FGF18: variants seen among roughly 807,000 people sequenced by gnomAD.
FGF18 encodes the protein fibroblast growth factor 18.
In FGF18, 5 loss-of-function variants were observed where a neutral mutation model predicts 23.0. That is an observed-to-expected ratio of 0.22 (90% CI 0.11 to 0.46). The LOEUF is 0.46. Ranked by LOEUF, FGF18 falls within the 20% of genes least tolerant of loss-of-function variation. FGF18 has a pLI of 0.99. For missense variants in FGF18, 180 were observed against 291.6 expected (o/e 0.62, Z 2.79); for synonymous variants, 117 against 118.9 (o/e 0.98, Z 0.10).
rs1772218603 is a variant in FGF18, at chr5:171,434,400, T to G, written c.70-1693T>G. Among the ~76,000 whole-genome samples the G allele has an allele frequency of 6.6e-6, 1 of 152,076 alleles. No homozygotes were observed. Among genetic ancestry groups the G allele is most frequent in the Non-Finnish European group, 1.5e-5 (1 of 68,010 alleles). On this transcript the variant is annotated intron_variant, in intron 2 of 4. Coordinates refer to ENST00000274625, the MANE Select transcript of FGF18 (RefSeq NM_003862.3). This position sits in a 1 kb window ranked among gnomAD's most constrained non-coding sequence, Gnocchi z 4.6. The stretch of plus-strand genomic sequence containing the variant: ...GGGACAGAGATCCTGCTGTAGCAAA[T>G]GAAGGAAACACATCCCTGCCCTTGG...
At chr5:171,455,073 C>A (rs890592750) in intron 4 of FGF18, among the ~76,000 whole-genome samples, 1 of 152,170 alleles carries the variant, frequency 6.6e-6, no homozygotes, top group Non-Finnish European at 1.5e-5. Flanking sequence ...AGTCATTGTT[C>A]CCATTAGGTA....
At chr5:171,455,167 C>G (rs956167982) in intron 4 of FGF18, among the ~76,000 whole-genome samples, 43 of 152,306 alleles carry the variant, frequency 2.8e-4, no homozygotes, top group African/African-American at 9.6e-4. Context: ...TGTTTTCTGA[C>G]TCCAAATCTA....
chr5:171,455,991 C>G (rs554751042), intron 4 of FGF18, among the ~76,000 whole-genome samples: 13 of 152,288 alleles, frequency 8.5e-5, no homozygotes, highest in East Asian at 7.7e-4. Context: ...AGTGAAGGCT[C>G]TCTGTCCTAT....
chr5:171,420,546 G>C, intron 2 of FGF18, 103 bp downstream of exon 2: 2 of 1,204,226 alleles, frequency 1.7e-6, no homozygotes, highest in South Asian at 1.2e-5. Context: ...ACCCCTCCTG[G>C]GCGCTGAGCC....
intron 3 of FGF18, among the ~76,000 whole-genome samples, chr5:171,445,839 C>T (rs1372296558): frequency 6.6e-6 from 1 of 152,068 alleles, no homozygotes; most frequent in African/African-American, 2.4e-5. Flanking sequence ...AACTCCTCCG[C>T]CTGGCCTGGT....
intron 3 of FGF18, among the ~76,000 whole-genome samples, chr5:171,441,245 G>A (rs764178794): frequency 6.6e-5 from 10 of 152,218 alleles, no homozygotes; most frequent in South Asian, 4.1e-4. Flanking sequence ...GAGCCCCCAC[G>A]GTCCATTTTC....
At position 171,434,340 on chromosome 5, in the gene FGF18, A is replaced by G. The variant is rs1581273166; in HGVS notation, c.70-1753A>G. On this transcript the variant is annotated intron_variant, in intron 2 of 4. Transcript: ENST00000274625. This position sits in a 1 kb window ranked among gnomAD's most constrained non-coding sequence, Gnocchi z 4.6. Reference sequence around the variant, plus strand: ...GTCCTGCTGACATACCTGTGGGCCCAGTCCAGGATCGGGAGATACATGCAG... The same window carrying G: ...GTCCTGCTGACATACCTGTGGGCCCGGTCCAGGATCGGGAGATACATGCAG... Among the ~76,000 whole-genome samples, 1 of 152,248 alleles carries G rather than the reference A, an allele frequency of 6.6e-6. No individual in the cohort carries two copies. Among genetic ancestry groups the G allele is most frequent in the East Asian group, 1.9e-4 (1 of 5,204 alleles).
chr5:171,455,894 G>A (rs1772573492), intron 4 of FGF18, among the ~76,000 whole-genome samples: 1 of 152,138 alleles, frequency 6.6e-6, no homozygotes, highest in Non-Finnish European at 1.5e-5. Flanking sequence ...ATAGATTTCT[G>A]AATGACAATG....
In FGF18 at chr5:171,456,008, C is replaced by G. The variant is rs1213090547; in HGVS notation, c.358-531C>G. 2.0e-5 allele frequency among the ~76,000 whole-genome samples: 3 copies of G among 152,176 alleles called. No homozygotes were observed. The highest frequency in any genetic ancestry group is 7.2e-5 in the African/African-American group (3 of 41,436). On this transcript the variant is annotated intron_variant, in intron 4 of 4. Coordinates refer to ENST00000274625, the MANE Select transcript of FGF18 (RefSeq NM_003862.3). This position sits in a 1 kb window ranked among gnomAD's most constrained non-coding sequence, Gnocchi z 6.1. ...TGAAGGCTCTCTGTCCTATGCTGCC[C>G]CAGCCACAGCCTCCTGCCCATGCCC...
At chr5:171,450,993 A>G (rs1241244241) in intron 4 of FGF18, among the ~76,000 whole-genome samples, 1 of 151,680 alleles carries the variant, frequency 6.6e-6, no homozygotes, top group East Asian at 2.0e-4. Flanking sequence ...TGTTCCCGGC[A>G]TCTTGACCCC....
At chr5:171,427,530 C>G (rs1490502830) in intron 2 of FGF18, among the ~76,000 whole-genome samples, 3 of 152,210 alleles carry the variant, frequency 2.0e-5, no homozygotes, top group South Asian at 4.1e-4. Flanking sequence ...GGCCCTTAAC[C>G]TCTCTGAGTC....
chr5:171,437,931 G>A (rs140771502), intron 3 of FGF18, among the ~76,000 whole-genome samples: 6 of 152,060 alleles, frequency 3.9e-5, no homozygotes, highest in African/African-American at 9.7e-5. Flanking sequence ...GGAAATGGCC[G>A]GCCCCTCACC....
chr5:171,422,358 C>G (rs1033229804), intron 2 of FGF18, among the ~76,000 whole-genome samples: 1 of 152,150 alleles, frequency 6.6e-6, no homozygotes, highest in African/African-American at 2.4e-5. Flanking sequence ...CCCTTGTCCC[C>G]ACCGGCCTTT....
At chr5:171,445,245 G>A (rs777628155) in intron 3 of FGF18, among the ~76,000 whole-genome samples, 1 of 152,150 alleles carries the variant, frequency 6.6e-6, no homozygotes, top group Admixed American at 6.5e-5. Flanking sequence ...GGTCCACAGG[G>A]TCCAGGCTGT....
At chr5:171,438,213 T>A (rs1393964748) in intron 3 of FGF18, among the ~76,000 whole-genome samples, 1 of 151,632 alleles carries the variant, frequency 6.6e-6, no homozygotes, top group Non-Finnish European at 1.5e-5. Flanking sequence ...GCGATTCTCC[T>A]GCCTCAGCCT....
chr5:171,453,027 A>G (rs979240541), intron 4 of FGF18, among the ~76,000 whole-genome samples: 1 of 152,204 alleles, frequency 6.6e-6, no homozygotes, highest in African/African-American at 2.4e-5. Context: ...GTAGTAGGAA[A>G]GAGATCAAAT....
At chr5:171,443,135 C>CTTTT (rs551889632) in intron 3 of FGF18, among the ~76,000 whole-genome samples, 21 of 147,288 alleles carry the variant, frequency 1.4e-4, no homozygotes, top group East Asian at 5.9e-4. Context: ...CATTCACACA[C>CTTTT]TTTTTTTTTT....
intron 2 of FGF18, among the ~76,000 whole-genome samples, chr5:171,430,124 C>T (rs1446889096): frequency 7.9e-5 from 12 of 151,592 alleles, no homozygotes; most frequent in African/African-American, 2.7e-4. Flanking sequence ...TTTGGGAGGC[C>T]GAGGCGGGTG....
At position 171,457,489 on chromosome 5, in the gene FGF18, A is replaced by G. The variant is rs1422553423; in HGVS notation, c.*684A>G. ...GACCTAGTACACCAATGATAAGGGA[A>G]TATTTTAAAACCAGCTATATTATAT... is the stretch of plus-strand genomic sequence containing the variant. On this transcript the variant is annotated 3_prime_UTR_variant, in exon 5 of 5. Coordinates refer to ENST00000274625, the MANE Select transcript of FGF18 (RefSeq NM_003862.3). 6.6e-6 allele frequency: 1 copy of G among 151,920 alleles called. No individual in the cohort carries two copies. The highest frequency in any genetic ancestry group is 6.6e-5 in the Admixed American group (1 of 15,248). 9.4% of individuals were successfully genotyped at this position (151,920 alleles called of 1,614,324 possible).
Sources: gnomAD v4.1 joint callset for allele counts (sites outside exome capture counted in the v4.1 genomes callset) on GRCh38, gnomAD v4.1.1 for gene constraint, Gnocchi (gnomAD v3.1) non-coding constraint, MANE v1.5 for transcripts, NCBI Gene and HGNC (gene_info 2026-07-23, HGNC 2026-07-21) for gene names.